HAAO: variants seen among roughly 807,000 people sequenced by gnomAD.
The protein encoded by HAAO is 3-hydroxyanthranilate 3,4-dioxygenase, also known as 3-hydroxyanthranilate oxygenase.
Under a neutral mutation model 46.2 loss-of-function variants are expected in HAAO, and 49 were observed. That is an observed-to-expected ratio of 1.06 (90% CI 0.84 to 1.34). HAAO has a LOEUF of 1.34. HAAO is among the 40% of genes most tolerant of loss of function. The pLI, the probability that HAAO is intolerant of heterozygous loss-of-function variation, is 0.00. For missense variants in HAAO, 408 were observed against 364.5 expected (o/e 1.12, Z -0.97); for synonymous variants, 157 against 145.2 (o/e 1.08, Z -0.58).
intron 2 of HAAO, among the ~76,000 whole-genome samples, chr2:42,784,523 G>A (rs1256436973): frequency 1.0e-5 from 1 of 100,168 alleles, no homozygotes; most frequent in Admixed American, 9.8e-5. Context: ...GGGGGTGGGG[G>A]GAGGTGGGGG....
intron 4 of HAAO, among the ~76,000 whole-genome samples, chr2:42,780,745 T>C (rs1324800600): frequency 1.3e-5 from 2 of 151,920 alleles, no homozygotes; most frequent in Non-Finnish European, 2.9e-5. Flanking sequence ...GGAAACTTTT[T>C]TGTGTGTGCT....
intron 7 of HAAO, among the ~76,000 whole-genome samples, chr2:42,768,726 T>G (rs760515988): frequency 2.0e-5 from 3 of 152,136 alleles, no homozygotes; most frequent in Non-Finnish European, 4.4e-5. Flanking sequence ...GAAACACCAC[T>G]CTGGCCTGTC....
rs553208500 is a variant in HAAO, at chr2:42,773,761, T to A, written c.351-3179A>T. 1.3e-4 allele frequency among the ~76,000 whole-genome samples: 20 copies of A among 152,226 alleles called. No homozygotes were observed. In the South Asian group the frequency reaches 4.2e-3, roughly 32 times the overall value. ...GCCACCACGCCCGACTAATTTTTTG[T>A]ATTTTTAGTAGAAATGGGGTTTCAC... On this transcript the variant is annotated intron_variant, in intron 4 of 9. Transcript: ENST00000294973.
At chr2:42,777,303 C>CAAAAAAAAAAAA (rs1215772853) in intron 4 of HAAO, among the ~76,000 whole-genome samples, 58 of 39,918 alleles carry the variant, frequency 1.5e-3, no homozygotes, top group South Asian at 2.6e-3. Flanking sequence ...ACTCTTATCG[C>CAAAAAAAAAAAA]AAAAAAAAAA....
chr2:42,787,731 C>A (rs1672494968), intron 2 of HAAO, among the ~76,000 whole-genome samples: 1 of 152,190 alleles, frequency 6.6e-6, no homozygotes, highest in Admixed American at 6.5e-5. Context: ...GACTCTGGAT[C>A]CTGAACCCCC....
At chr2:42,780,594 A>G (rs1472085506) in intron 4 of HAAO, among the ~76,000 whole-genome samples, 1 of 152,070 alleles carries the variant, frequency 6.6e-6, no homozygotes, top group Non-Finnish European at 1.5e-5. Flanking sequence ...ACTCTCATGG[A>G]GAGCTGAAAT....
intron 6 of HAAO, 42 bp downstream of exon 6, chr2:42,770,101 G>T: frequency 6.4e-7 from 1 of 1,574,134 alleles, no homozygotes; most frequent in Non-Finnish European, 8.7e-7. Flanking sequence ...TATTTTGGAA[G>T]GGGAGGGAGG....
chr2:42,769,356 G>GGCT (rs1283710386), intron 7 of HAAO, among the ~76,000 whole-genome samples: 2 of 152,212 alleles, frequency 1.3e-5, no homozygotes, highest in African/African-American at 4.8e-5. Flanking sequence ...GGGTGTGACT[G>GGCT]GCTGAAGGTT....
In HAAO at chr2:42,770,505, G is replaced by A. The variant is rs992351275; in HGVS notation, c.428C>T (p.Pro143Leu). 12 of 1,550,706 alleles carry A rather than the reference G, an allele frequency of 7.7e-6. No homozygotes were observed. The highest frequency in any genetic ancestry group is 1.4e-5 in the African/African-American group (1 of 73,054). Residue 143 changes from proline to leucine, a missense_variant, in exon 5 of 10, where the codon CCC becomes CTC. Pro to Leu is a moderately conservative substitution (Grantham distance 98, BLOSUM62 -3). Coordinates refer to ENST00000294973, the MANE Select transcript of HAAO (RefSeq NM_012205.3). The stretch of plus-strand genomic sequence containing the variant: ...GCTGGGGGCTCACTCCTGGATGATG[G>A]GGGCCAACTGCGTGCCGAGGTCCTT... ...YCKDLGTQLA[P>L]IIQEFFSSEQ...
chr2:42,790,199 C>T (rs1043134123), intron 1 of HAAO, among the ~76,000 whole-genome samples: 3 of 152,168 alleles, frequency 2.0e-5, no homozygotes, highest in African/African-American at 7.2e-5. Context: ...CTTTCCTTTT[C>T]CTTCCCTTTT....
chr2:42,783,041 C>G (rs1004605606), intron 4 of HAAO: 2 of 524,868 alleles, frequency 3.8e-6, no homozygotes, highest in Non-Finnish European at 6.9e-6. Context: ...CACAACCTCA[C>G]GCAGAAAGCA....
At chr2:42,791,682 T>C (rs998186291) in intron 1 of HAAO, among the ~76,000 whole-genome samples, 2 of 152,172 alleles carry the variant, frequency 1.3e-5, no homozygotes, top group Non-Finnish European at 2.9e-5. Context: ...GGCCTGCTGT[T>C]TGCCTTGAGG....
chr2:42,774,645 C>A (rs1322729588), intron 4 of HAAO, among the ~76,000 whole-genome samples: 1 of 152,004 alleles, frequency 6.6e-6, no homozygotes, highest in East Asian at 1.9e-4. Flanking sequence ...TTGTCTTGAG[C>A]CTGAGACCCA....
At chr2:42,775,861 CTTTTTTTTT>C (rs56249729) in intron 4 of HAAO, among the ~76,000 whole-genome samples, 1 of 121,444 alleles carries the variant, frequency 8.2e-6, no homozygotes. Context: ...TTGTGTTATC[CTTTTTTTTT>C]TTTTTTTTTT....
At chr2:42,784,048 G>T (rs531666936) in intron 2 of HAAO, 181 bp from the exon 3 acceptor site, 1 of 649,342 alleles carries the variant, frequency 1.5e-6, no homozygotes, top group Non-Finnish European at 1.9e-6. Context: ...ATGGAGTGCC[G>T]GGGACACATG....
intron 5 of HAAO, 139 bp from the exon 6 acceptor site, chr2:42,770,325 C>T (rs1488636026): frequency 5.8e-6 from 5 of 868,942 alleles, no homozygotes; most frequent in Non-Finnish European, 9.2e-6. Context: ...TGTGTGTCTG[C>T]CATCCTTTCC....
chr2:42,786,874 C>T (rs1183946521), intron 2 of HAAO, among the ~76,000 whole-genome samples: 1 of 152,154 alleles, frequency 6.6e-6, no homozygotes. Context: ...CTGAGCAACT[C>T]CCCTTTTCTC....
At position 42,770,487 on chromosome 2, in the gene HAAO, G is replaced by A; in HGVS notation, c.440+6C>T. ...GCAAGAGGCAGGGGCTGGGCTGGGG[G>A]CTCACTCCTGGATGATGGGGGCCAA... is the stretch of plus-strand genomic sequence containing the variant. On this transcript the variant is annotated splice_donor_region_variant and intron_variant, in intron 5 of 9. Coordinates refer to ENST00000294973, the MANE Select transcript of HAAO (RefSeq NM_012205.3). 6.5e-7 allele frequency: 1 copy of A among 1,538,802 alleles called. No individual in the cohort carries two copies. Among genetic ancestry groups the A allele is most frequent in the Non-Finnish European group, 8.8e-7 (1 of 1,137,260 alleles).
Position 42,767,251 on chromosome 2 carries a change from G to T in HAAO, c.*186C>A, listed in dbSNP as rs1451886882. The T allele has an allele frequency of 4.9e-6, 3 of 617,486 alleles. No homozygotes were observed. The highest frequency in any genetic ancestry group is 1.8e-5 in the African/African-American group (1 of 54,650). 38.3% of individuals were successfully genotyped at this position (617,486 alleles called of 1,614,324 possible). A position where few individuals can be genotyped will look rare whatever the true frequency, so the allele number is the denominator to read the frequency against. The stretch of plus-strand genomic sequence containing the variant: ...CTGCCAGAGAAGATGGGGAGCTGCT[G>T]CCCGCCCAGGGGCATGGCATCTGGG... On this transcript the variant is annotated 3_prime_UTR_variant, in exon 10 of 10. Transcript: ENST00000294973.
Sources: gnomAD v4.1 joint callset for allele counts (sites outside exome capture counted in the v4.1 genomes callset) on GRCh38, gnomAD v4.1.1 for gene constraint, MANE v1.5 for transcripts, NCBI Gene and HGNC (gene_info 2026-07-23, HGNC 2026-07-21) for gene names.